AGAP1: variants seen among roughly 807,000 people sequenced by gnomAD.
AGAP1 encodes ArfGAP with GTPase domain, ankyrin repeat and PH domain 1.
In AGAP1, 29 loss-of-function variants were observed where a neutral mutation model predicts 105.3. The ratio of observed to expected loss-of-function variants is 0.28; its 90% CI spans 0.21 to 0.38. AGAP1 has a LOEUF of 0.38. Among genes scored for constraint, AGAP1 ranks in the 10% least tolerant of loss-of-function variants. The probability of loss-of-function intolerance (pLI) is 1.00; values close to 1 mark genes in which losing one functional copy is unlikely to be tolerated. For synonymous variants in AGAP1, 509 were observed against 485.9 expected, an observed-to-expected ratio of 1.05 and a Z score of -0.63; for missense variants, 998 against 1,165.1, an observed-to-expected ratio of 0.86 and a Z score of 2.09.
In AGAP1 at chr2:235,971,726, G is replaced by C. The variant is rs2054650648; in HGVS notation, c.1645+3103G>C. ...AAATCTGTTCTTGAAACTAAAGCTA[G>C]TTATATATGTTTTATTTTATTTATT... On this transcript the variant is annotated intron_variant, in intron 13 of 17. Transcript: ENST00000304032. The surrounding 1 kb of genome is among the most constrained non-coding windows in gnomAD (Gnocchi z 4.8). 6.8e-6 allele frequency among the ~76,000 whole-genome samples: 1 copy of C among 147,340 alleles called. No homozygotes were observed. Among genetic ancestry groups the C allele is most frequent in the Admixed American group, 6.7e-5 (1 of 15,016 alleles).
At chr2:235,832,712 A>T (rs1303563437) in intron 9 of AGAP1, among the ~76,000 whole-genome samples, 1 of 152,226 alleles carries the variant, frequency 6.6e-6, no homozygotes, top group Non-Finnish European at 1.5e-5. Context: ...GCCTGTTGGC[A>T]GCTGTGCTTA....
At position 235,906,054 on chromosome 2, in the gene AGAP1, C is replaced by G. The variant is rs1011073151; in HGVS notation, c.1156-2684C>G. ...CAGCCCAGATACCACCCTCCCGTTA[C>G]CCGAACCCACCATGACAGCTTTCCT... is the stretch of plus-strand genomic sequence containing the variant. On this transcript the variant is annotated intron_variant, in intron 10 of 17. Transcript: ENST00000304032. The surrounding 1 kb of genome is among the most constrained non-coding windows in gnomAD (Gnocchi z 5.3). Among the ~76,000 whole-genome samples, 2 of 152,192 alleles carry G rather than the reference C, an allele frequency of 1.3e-5. No individual in the cohort carries two copies. The highest frequency in any genetic ancestry group is 2.9e-5 in the Non-Finnish European group (2 of 68,040).
rs1946497576 is a variant in AGAP1 at position 235,621,948 on chromosome 2, C to T, written c.164-87231C>T. 1.3e-5 allele frequency among the ~76,000 whole-genome samples: 2 copies of T among 152,030 alleles called. No individual in the cohort carries two copies. Among genetic ancestry groups the T allele is most frequent in the Admixed American group, 6.6e-5 (1 of 15,256 alleles). On this transcript the variant is annotated intron_variant, in intron 1 of 17. Transcript: ENST00000304032. The surrounding 1 kb of genome is among the most constrained non-coding windows in gnomAD (Gnocchi z 4.1). ...GCGGCCACTGTGTGGATGTTTCTGA[C>T]GGCCTCTTACAGACTCTGTCCTTTT...
chr2:235,957,471 CAT>C lies in AGAP1; in HGVS notation c.1484-10990_1484-10989del, dbSNP rs763705443. Among the ~76,000 whole-genome samples the C allele has an allele frequency of 6.6e-6, 1 of 152,182 alleles. No homozygotes were observed. The highest frequency in any genetic ancestry group is 6.5e-5 in the Admixed American group (1 of 15,276). ...TGCCGTGTCCCCGCTGCCCCTCTGA[CAT>C]TGTGTACCTCTGTGTGAGCGGCAAA... is the stretch of plus-strand genomic sequence containing the variant. On this transcript the variant is annotated intron_variant, in intron 12 of 17. Transcript: ENST00000304032. The surrounding 1 kb of genome is among the most constrained non-coding windows in gnomAD (Gnocchi z 4.6).
intron 1 of AGAP1, 99 bp downstream of exon 1, chr2:235,494,948 C>T (rs1190426803): frequency 3.7e-5 from 45 of 1,231,944 alleles, no homozygotes; most frequent in Non-Finnish European, 4.8e-5. Flanking sequence ...ACACGCCGGC[C>T]GGGGCACGCG....
chr2:236,049,886 T>C (rs1000896619), intron 16 of AGAP1: 1 of 152,430 alleles, frequency 6.6e-6, no homozygotes, highest in Non-Finnish European at 1.5e-5. Flanking sequence ...TAAACTGTTT[T>C]TGAGTACACA....
At chr2:235,809,274 A>G (rs1180352795) in intron 9 of AGAP1, among the ~76,000 whole-genome samples, 3 of 152,150 alleles carry the variant, frequency 2.0e-5, no homozygotes, top group Non-Finnish European at 4.4e-5. Context: ...CTGACCATCA[A>G]GCGTAAAATG....
In AGAP1 at chr2:236,000,938, G is replaced by A. The variant is rs1347082015; in HGVS notation, c.1645+32315G>A. On this transcript the variant is annotated intron_variant, in intron 13 of 17. Coordinates refer to ENST00000304032, the MANE Select transcript of AGAP1 (RefSeq NM_001037131.3). This position sits in a 1 kb window ranked among gnomAD's most constrained non-coding sequence, Gnocchi z 4.3. The stretch of plus-strand genomic sequence containing the variant: ...ATGCCGCGTGGCGTGAGGAGGGTGA[G>A]AGTCCATGCCATAAAGGACTGTCAT... Among the ~76,000 whole-genome samples the A allele has an allele frequency of 1.3e-5, 2 of 152,140 alleles. No individual in the cohort carries two copies. The highest frequency in any genetic ancestry group is 4.8e-5 in the African/African-American group (2 of 41,430).
Position 235,865,706 on chromosome 2 carries a change from T to G in AGAP1, c.1051-17639T>G, listed in dbSNP as rs1309796945. 6.6e-6 allele frequency among the ~76,000 whole-genome samples: 1 copy of G among 152,156 alleles called. No individual in the cohort carries two copies. Among genetic ancestry groups the G allele is most frequent in the Non-Finnish European group, 1.5e-5 (1 of 68,022 alleles). ...AATATTACTATTTTAAAAAGCTCAG[T>G]TAAGGGGGGATTCCTGCTGTTCCTA... On this transcript the variant is annotated intron_variant, in intron 9 of 17. Coordinates refer to ENST00000304032, the MANE Select transcript of AGAP1 (RefSeq NM_001037131.3). This position sits in a 1 kb window ranked among gnomAD's most constrained non-coding sequence, Gnocchi z 6.2.
intron 13 of AGAP1, among the ~76,000 whole-genome samples, chr2:236,022,079 G>C (rs1046928917): frequency 1.5e-5 from 2 of 137,560 alleles, no homozygotes; most frequent in Admixed American, 1.5e-4. Context: ...AAAAAAAAAA[G>C]GCACATATGG....
chr2:235,755,113 CTGGATGTGCGGACT>C (rs977297353), intron 6 of AGAP1, among the ~76,000 whole-genome samples: 3 of 152,218 alleles, frequency 2.0e-5, no homozygotes, highest in African/African-American at 7.2e-5. Context: ...CTGGGGCGGG[CTGGATGTGCGGACT>C]TGGCAGCTGG....
At chr2:235,568,337 CA>C (rs1165285214) in intron 1 of AGAP1, among the ~76,000 whole-genome samples, 1 of 152,210 alleles carries the variant, frequency 6.6e-6, no homozygotes, top group Non-Finnish European at 1.5e-5. Flanking sequence ...GTGGGCCAGG[CA>C]CTTTGCGGAG....
At position 235,608,204 on chromosome 2, in the gene AGAP1, C is replaced by G. The variant is rs1472079005; in HGVS notation, c.164-100975C>G. On this transcript the variant is annotated intron_variant, in intron 1 of 17. Coordinates refer to ENST00000304032, the MANE Select transcript of AGAP1 (RefSeq NM_001037131.3). The surrounding 1 kb of genome is among the most constrained non-coding windows in gnomAD (Gnocchi z 5.4). The stretch of plus-strand genomic sequence containing the variant: ...CTCAGCATCTCTTCTCTGCTTGGCC[C>G]ACGTCTAGCAGTTCTTCTTCATCTT... 2.0e-5 allele frequency among the ~76,000 whole-genome samples: 3 copies of G among 152,204 alleles called. No individual in the cohort carries two copies. Among genetic ancestry groups the G allele is most frequent in the African/African-American group, 7.2e-5 (3 of 41,460 alleles).
At position 235,542,469 on chromosome 2, in the gene AGAP1, C is replaced by T. The variant is rs533088242; in HGVS notation, c.163+47620C>T. ...CTCATCAACTCCCAGCCTCCATCACCGAAAAAGAAAGTCTCATCTCTGTCT... is the reference window on the plus strand; with the variant it reads ...CTCATCAACTCCCAGCCTCCATCACTGAAAAAGAAAGTCTCATCTCTGTCT... On this transcript the variant is annotated intron_variant, in intron 1 of 17. Transcript: ENST00000304032. 2.6e-5 allele frequency among the ~76,000 whole-genome samples: 4 copies of T among 152,238 alleles called. No individual in the cohort carries two copies. The East Asian group carries it at 5.8e-4, about 22-fold the overall frequency.
In AGAP1 at chr2:235,788,300, G is replaced by C. The variant is rs1956770915; in HGVS notation, c.674-9459G>C. 6.6e-6 allele frequency among the ~76,000 whole-genome samples: 1 copy of C among 152,174 alleles called. No individual in the cohort carries two copies. Among genetic ancestry groups the C allele is most frequent in the South Asian group, 2.1e-4 (1 of 4,828 alleles). ...GATGTACAAACTCCTAATCCCTAAG[G>C]ATAGGAAAAGACCTAGAAGATTTGA... On this transcript the variant is annotated intron_variant, in intron 6 of 17. Coordinates refer to ENST00000304032, the MANE Select transcript of AGAP1 (RefSeq NM_001037131.3). This position sits in a 1 kb window ranked among gnomAD's most constrained non-coding sequence, Gnocchi z 6.0.
Position 236,076,450 on chromosome 2 carries a change from A to C in AGAP1, c.2114+27169A>C, listed in dbSNP as rs1462192359. Among the ~76,000 whole-genome samples the C allele has an allele frequency of 1.3e-5, 2 of 152,120 alleles. No homozygotes were observed. The highest frequency in any genetic ancestry group is 3.9e-4 in the East Asian group (2 of 5,168). ...ACAGAGTGAGACTCCATCTCAAAAA[A>C]AAATAAAGTCTTGAGAATGTTCACT... On this transcript the variant is annotated intron_variant, in intron 16 of 17. Transcript: ENST00000304032. This position sits in a 1 kb window ranked among gnomAD's most constrained non-coding sequence, Gnocchi z 4.4.
chr2:235,657,927 G>A (rs1947826583), intron 1 of AGAP1, among the ~76,000 whole-genome samples: 2 of 152,110 alleles, frequency 1.3e-5, no homozygotes, highest in African/African-American at 4.8e-5. Flanking sequence ...ACCATGTGAG[G>A]ACACAGGGGG....
At position 235,577,360 on chromosome 2, in the gene AGAP1, A is replaced by G. The variant is rs1033712547; in HGVS notation, c.163+82511A>G. 2.0e-5 allele frequency among the ~76,000 whole-genome samples: 3 copies of G among 152,162 alleles called. No homozygotes were observed. Among genetic ancestry groups the G allele is most frequent in the African/African-American group, 7.2e-5 (3 of 41,430 alleles). ...ATTCGGCCACATTTTAGTGCTCAGT[A>G]GCACCTGTGGCTGGAGCTACTGTAT... On this transcript the variant is annotated intron_variant, in intron 1 of 17. Coordinates refer to ENST00000304032, the MANE Select transcript of AGAP1 (RefSeq NM_001037131.3). The surrounding 1 kb of genome is among the most constrained non-coding windows in gnomAD (Gnocchi z 4.5).
chr2:235,921,482 T>G (rs1352274214), intron 11 of AGAP1, among the ~76,000 whole-genome samples: 1 of 152,212 alleles, frequency 6.6e-6, no homozygotes, highest in Non-Finnish European at 1.5e-5. Context: ...TAGGCCCCCA[T>G]TATTTTTTTC....
Sources: allele counts gnomAD v4.1 joint callset (sites outside exome capture counted in the v4.1 genomes callset), GRCh38; gene constraint gnomAD v4.1.1; non-coding constraint Gnocchi (gnomAD v3.1); transcripts MANE v1.5; gene names NCBI Gene and HGNC (gene_info 2026-07-23, HGNC 2026-07-21).